The following ST6GALNAC4 variants were observed in gnomAD, a reference collection of about 807,000 sequenced individuals.
The protein encoded by ST6GALNAC4 is ST6 N-acetylgalactosaminide alpha-2,6-sialyltransferase 4.
Under a neutral mutation model 30.4 loss-of-function variants are expected in ST6GALNAC4, and 24 were observed. The observed-to-expected ratio is 0.79, with a 90% CI of 0.57 to 1.11. The LOEUF is 1.11. ST6GALNAC4 is among the 50% of genes most tolerant of loss of function. The pLI is 0.00. For missense variants in ST6GALNAC4, 365 were observed against 430.1 expected (o/e 0.85, Z 1.34); for synonymous variants, 156 against 179.7 (o/e 0.87, Z 1.05).
chr9:127,913,003 A>C (rs1349642021), intron 3 of ST6GALNAC4, among the ~76,000 whole-genome samples: 1 of 152,222 alleles, frequency 6.6e-6, no homozygotes, highest in African/African-American at 2.4e-5. Flanking sequence ...GTTATAAAAC[A>C]CTTAGAACAG....
chr9:127,908,250 G>C lies in ST6GALNAC4; in HGVS notation c.*142C>G, dbSNP rs1264544025. 2 of 724,054 alleles carry C rather than the reference G, an allele frequency of 2.8e-6. No individual in the cohort carries two copies. Among genetic ancestry groups the C allele is most frequent in the African/African-American group, 1.8e-5 (1 of 55,342 alleles). The allele number at this position is 724,054 out of a possible 1,614,324, so 44.9% of individuals were successfully genotyped here. A position where few individuals can be genotyped will look rare whatever the true frequency, so the allele number is the denominator to read the frequency against. ...GATGGCTCCAAGTGTCGCCAGAATG[G>C]GGCGGGAAGGAACCTTAGGTCCACC... On this transcript the variant is annotated 3_prime_UTR_variant, in exon 6 of 6. Coordinates refer to ENST00000335791, the MANE Select transcript of ST6GALNAC4 (RefSeq NM_175039.4).
At position 127,910,038 on chromosome 9, in the gene ST6GALNAC4, A is replaced by C. The variant is rs746330231; in HGVS notation, c.632T>G (p.Leu211Arg). The change falls in exon 5 of 6, where the codon CTC becomes CGC. Residue 211 changes from leucine (L) to arginine (R), a missense_variant. Transcript: ENST00000335791. ...GKNRRQSGSF[L>R]STGWFTMILA... Reference sequence around the variant, plus strand: ...GATCATGGTGAACCAGCCGGTGCTGAGGAAGGAGCCCGACTGCCTCCTGGG... The same window carrying C: ...GATCATGGTGAACCAGCCGGTGCTGCGGAAGGAGCCCGACTGCCTCCTGGG... 2 of 1,613,432 alleles carry C rather than the reference A, an allele frequency of 1.2e-6. No homozygotes were observed. The highest frequency in any genetic ancestry group is 2.7e-5 in the African/African-American group (2 of 75,060).
intron 4 of ST6GALNAC4, among the ~76,000 whole-genome samples, chr9:127,911,853 C>G (rs1042050422): frequency 6.6e-6 from 1 of 151,166 alleles, no homozygotes; most frequent in South Asian, 2.1e-4. Flanking sequence ...AAACTCCTGA[C>G]CTCAAGTGAT....
rs764592700 is a variant in ST6GALNAC4 at position 127,908,571 on chromosome 9, G to A, written c.730C>T (p.His244Tyr). 4 of 1,576,744 alleles carry A rather than the reference G, an allele frequency of 2.5e-6. No individual in the cohort carries two copies. The highest frequency in any genetic ancestry group is 3.5e-6 in the Non-Finnish European group (4 of 1,152,684). Residue 244 changes from histidine to tyrosine, a missense_variant, in exon 6 of 6, where the codon CAC (histidine) becomes TAC (tyrosine). By Grantham distance (83) the His-to-Tyr change is moderately conservative (BLOSUM62 2). Coordinates refer to ENST00000335791, the MANE Select transcript of ST6GALNAC4 (RefSeq NM_175039.4). The stretch of plus-strand genomic sequence containing the variant: ...AAGTAGTGGTAAGGCACTGAGGGGT[G>A]GCTCTTCTCCCTGCGGGGTGGGGAA... ...VSDSYCREKS[H>Y]PSVPYHYFEK... is the part of the protein sequence containing the mutation.
At chr9:127,910,381 A>G in intron 4 of ST6GALNAC4, 1 of 1,111,614 alleles carries the variant, frequency 9.0e-7, no homozygotes, top group Non-Finnish European at 1.1e-6. Flanking sequence ...CTAAGGGACC[A>G]GGCCTGGGGA....
At chr9:127,914,551 G>T in intron 3 of ST6GALNAC4, 105 bp downstream of exon 3, 2 of 573,234 alleles carry the variant, frequency 3.5e-6, no homozygotes, top group Non-Finnish European at 5.2e-6. Flanking sequence ...GATGTGATTG[G>T]CCAGGATCAC....
At chr9:127,908,723 A>G (rs1830999230) in intron 5 of ST6GALNAC4, 142 bp from the exon 6 acceptor site, 1 of 635,676 alleles carries the variant, frequency 1.6e-6, no homozygotes, top group Admixed American at 3.9e-5. Context: ...CAAGACACAT[A>G]GGGGAGTAGC....
In ST6GALNAC4 at chr9:127,912,261, GGCT is replaced by G; in HGVS notation, c.611+4_611+6del. ...GAGAGACCCCAGCAGGCAGGCCCCA[GGCT>G]CACCGGTTCTTGCCCGTCTCGTCCT... On this transcript the variant is annotated splice_donor_5th_base_variant and intron_variant, in intron 4 of 5. Transcript: ENST00000335791. 6.2e-7 allele frequency: 1 copy of G among 1,601,462 alleles called. No individual in the cohort carries two copies. Among genetic ancestry groups the G allele is most frequent in the Non-Finnish European group, 8.5e-7 (1 of 1,172,346 alleles).
In ST6GALNAC4 at chr9:127,908,499, G is replaced by A; in HGVS notation, c.802C>T (p.Gln268Ter). The change falls in exon 6 of 6, where the codon CAG becomes TAG. Residue 268 changes from glutamine (Q) to a stop codon, truncating the protein, a stop_gained. Transcript: ENST00000335791. LOFTEE classifies it high-confidence loss of function. The part of the protein sequence containing the change: ...DECQMYLAHE[Q>*]APRSAHRFIT... ...AAGCGGTGGGCGCTTCGGGGCGCCT[G>A]CTCGTGTGCCAGGTACATCTGACAC... 2 of 1,610,234 alleles carry A rather than the reference G, an allele frequency of 1.2e-6. No individual in the cohort carries two copies. The highest frequency in any genetic ancestry group is 1.7e-6 in the Non-Finnish European group (2 of 1,177,232).
intron 3 of ST6GALNAC4, 117 bp downstream of exon 3, chr9:127,914,539 G>GTGA (rs1469610786): frequency 1.9e-6 from 1 of 515,426 alleles, no homozygotes; most frequent in Admixed American, 4.6e-5. Flanking sequence ...GCTCAGAGAG[G>GTGA]TGATGTGATT....
intron 5 of ST6GALNAC4, 123 bp from the exon 6 acceptor site, chr9:127,908,704 T>G: frequency 2.3e-6 from 2 of 856,582 alleles, no homozygotes; most frequent in Non-Finnish European, 3.3e-6. Context: ...GCCTGATCCC[T>G]GGGGAGGCCA....
chr9:127,914,894 G>A (rs1390705523), intron 2 of ST6GALNAC4, 53 bp from the exon 3 acceptor site: 3 of 1,412,314 alleles, frequency 2.1e-6, no homozygotes, highest in South Asian at 1.6e-5. Context: ...GCTCCCAGAA[G>A]CCCCTTCAGC....
At chr9:127,912,189 C>T (rs1416069866) in intron 4 of ST6GALNAC4, 79 bp downstream of exon 4, 2 of 1,482,492 alleles carry the variant, frequency 1.3e-6, no homozygotes, top group East Asian at 2.4e-5. Context: ...GACAGAGCAG[C>T]CCCTGATGGA....
chr9:127,915,482 G>A (rs1206065906), intron 2 of ST6GALNAC4, among the ~76,000 whole-genome samples: 1 of 152,228 alleles, frequency 6.6e-6, no homozygotes, highest in East Asian at 1.9e-4. Flanking sequence ...AAGGAGATTG[G>A]AGCAAAGGTC....
Position 127,912,679 on chromosome 9 carries a change from G to A in ST6GALNAC4, c.200C>T (p.Pro67Leu), listed in dbSNP as rs750438941. Residue 67 changes from proline to leucine, a missense_variant and splice_region_variant, in exon 4 of 6, where the codon CCG becomes CTG. Coordinates refer to ENST00000335791, the MANE Select transcript of ST6GALNAC4 (RefSeq NM_175039.4). ...SGYSSVPDGK[P>L]LVREPCRSCA... ...GCTGCGGCAGGGCTCGCGGACCAGC[G>A]GCTGCAGGGCAGGCAGGGAGAAAGA... 2.3e-5 allele frequency: 36 copies of A among 1,565,738 alleles called. No individual in the cohort carries two copies. Among genetic ancestry groups the A allele is most frequent in the Non-Finnish European group, 3.0e-5 (35 of 1,157,834 alleles).
Position 127,910,219 on chromosome 9 carries a change from G to A in ST6GALNAC4, c.612-161C>T, listed in dbSNP as rs73608305. 6.4e-4 allele frequency: 911 copies of A among 1,421,794 alleles called. 4 individuals are homozygous for A. In the African/African-American group the frequency reaches 0.012, roughly 19 times the overall value. 88.1% of individuals were successfully genotyped at this position (1,421,794 alleles called of 1,614,324 possible). A position where few individuals can be genotyped will look rare whatever the true frequency, so the allele number is the denominator to read the frequency against. The stretch of plus-strand genomic sequence containing the variant: ...GGGGAGGGGACAGAGCCAGCCCAAG[G>A]CCAGCAGTGGGTGACAGGCAGAGCG... On this transcript the variant is annotated intron_variant, in intron 4 of 5. Transcript: ENST00000335791.
chr9:127,908,668 A>C, intron 5 of ST6GALNAC4, 87 bp from the exon 6 acceptor site: 5 of 1,308,474 alleles, frequency 3.8e-6, no homozygotes, highest in Non-Finnish European at 5.1e-6. Context: ...ACCCCTCGCC[A>C]GGCCCATGGG....
chr9:127,916,183 C>T, intron 2 of ST6GALNAC4: 2 of 606,810 alleles, frequency 3.3e-6, no homozygotes, highest in East Asian at 2.8e-5. Flanking sequence ...GCGTTACCTC[C>T]GTTTTACAGG....
Position 127,914,738 on chromosome 9 carries a change from T to C in ST6GALNAC4, c.116A>G (p.Asp39Gly). 1 of 1,609,494 alleles carries C rather than the reference T, an allele frequency of 6.2e-7. No homozygotes were observed. Among genetic ancestry groups the C allele is most frequent in the Non-Finnish European group, 8.5e-7 (1 of 1,177,918 alleles). Residue 39 changes from aspartate (D) to glycine (G), a missense_variant, in exon 3 of 6, where the codon GAC (aspartate) becomes GGC (glycine). By Grantham distance (94) the Asp-to-Gly change is moderately conservative. Coordinates refer to ENST00000335791, the MANE Select transcript of ST6GALNAC4 (RefSeq NM_175039.4). Reference sequence around the variant, plus strand: ...CCTGGAGCCTGTGGGGAAGTGGTGGTCCAGGCAGGTGGCCAGGCAGAGGGG... The same window carrying C: ...CCTGGAGCCTGTGGGGAAGTGGTGGCCCAGGCAGGTGGCCAGGCAGAGGGG... ...GLPLCLATCL[D>G]HHFPTGSRPT...
Sources: gnomAD v4.1 joint callset for allele counts (sites outside exome capture counted in the v4.1 genomes callset) on GRCh38, gnomAD v4.1.1 for gene constraint, MANE v1.5 for transcripts, NCBI Gene and HGNC (gene_info 2026-07-23, HGNC 2026-07-21) for gene names.